Variants in PCDHGB4 observed in about 807,000 individuals in gnomAD.
The protein encoded by PCDHGB4 is protocadherin gamma subfamily B, 4.
A neutral mutation model predicts 60.5 loss-of-function variants in PCDHGB4; 38 were observed. The observed-to-expected ratio is 0.63, with a 90% CI of 0.48 to 0.82. The LOEUF is 0.82. Ranked by LOEUF, PCDHGB4 falls within the 40% of genes least tolerant of loss-of-function variation. The pLI, the probability that PCDHGB4 is intolerant of heterozygous loss-of-function variation, is 0.00. For missense variants in PCDHGB4, 1,109 were observed against 1,209.6 expected (o/e 0.92, Z 1.23); for synonymous variants, 456 against 509.7 (o/e 0.89, Z 1.42).
At chr5:141,404,102 T>C (rs1288980459) in intron 1 of PCDHGB4, 16 of 1,613,462 alleles carry the variant, frequency 9.9e-6, no homozygotes, top group Non-Finnish European at 8.5e-7. Context: ...TCAAGTTGTC[T>C]GTTCTATCCA....
chr5:141,453,067 C>A (rs1227122711), intron 1 of PCDHGB4, among the ~76,000 whole-genome samples: 1 of 152,024 alleles, frequency 6.6e-6, no homozygotes, highest in African/African-American at 2.4e-5. Context: ...AGAGTTTTGC[C>A]ACACTCTGGT....
chr5:141,419,993 G>T (rs754254084), intron 1 of PCDHGB4: 5 of 1,614,056 alleles, frequency 3.1e-6, no homozygotes, highest in Middle Eastern at 1.6e-4. Context: ...TCTAGCTATT[G>T]CTCTACGCCT....
intron 1 of PCDHGB4, among the ~76,000 whole-genome samples, chr5:141,433,397 A>ATCTC (rs1179042498): frequency 6.6e-6 from 1 of 150,410 alleles, no homozygotes; most frequent in African/African-American, 2.5e-5. Flanking sequence ...CTATCTATCT[A>ATCTC]TCTATCTATT....
chr5:141,453,524 C>T (rs1351750021), intron 1 of PCDHGB4, among the ~76,000 whole-genome samples: 1 of 152,060 alleles, frequency 6.6e-6, no homozygotes, highest in Non-Finnish European at 1.5e-5. Flanking sequence ...TCCCCTATAC[C>T]TTCTGCCTCA....
At chr5:141,468,668 C>T (rs993230755) in intron 1 of PCDHGB4, 1 of 149,910 alleles carries the variant, frequency 6.7e-6, no homozygotes, top group Admixed American at 6.7e-5. Context: ...AGATCAAGAC[C>T]ATCCTGGCTA....
intron 1 of PCDHGB4, chr5:141,409,250 A>G: frequency 6.2e-7 from 1 of 1,614,024 alleles, no homozygotes; most frequent in Non-Finnish European, 8.5e-7. Flanking sequence ...AATAATCATC[A>G]CTTCTCTCTC....
chr5:141,413,150 T>C, intron 1 of PCDHGB4: 1 of 1,573,292 alleles, frequency 6.4e-7, no homozygotes. Context: ...AGTGAGGACT[T>C]TGCAGAATTC....
At chr5:141,417,994 G>T (rs369226139) in intron 1 of PCDHGB4, 231 of 1,613,766 alleles carry the variant, frequency 1.4e-4, no homozygotes, top group Non-Finnish European at 1.8e-4. Flanking sequence ...CCAAGGGCTC[G>T]GTGGTGGGGA....
intron 3 of PCDHGB4, among the ~76,000 whole-genome samples, chr5:141,509,066 C>A (rs1215686419): frequency 6.6e-6 from 1 of 152,172 alleles, no homozygotes; most frequent in Non-Finnish European, 1.5e-5. Context: ...GCTCTCAGCT[C>A]CGGGGATTTG....
chr5:141,464,515 A>C (rs969421973), intron 1 of PCDHGB4, among the ~76,000 whole-genome samples: 4 of 152,028 alleles, frequency 2.6e-5, no homozygotes, highest in Non-Finnish European at 4.4e-5. Flanking sequence ...CATAAGGTAA[A>C]GGCATATGTA....
At chr5:141,405,256 G>GATGTGATGCTCT (rs1316160577) in intron 1 of PCDHGB4, 2 of 1,614,050 alleles carry the variant, frequency 1.2e-6, no homozygotes, top group Non-Finnish European at 1.7e-6. Flanking sequence ...AGAGTCACCT[G>GATGTGATGCTCT]ATCTTCCCCC....
intron 1 of PCDHGB4, chr5:141,441,516 C>T (rs1034274864): frequency 4.0e-5 from 7 of 173,082 alleles, no homozygotes; most frequent in Non-Finnish European, 8.7e-5. Flanking sequence ...ACGTCGTCCA[C>T]GTGGCCAAGA....
intron 1 of PCDHGB4, chr5:141,404,979 G>A (rs771576875): frequency 6.2e-7 from 1 of 1,613,994 alleles, no homozygotes; most frequent in Non-Finnish European, 8.5e-7. Context: ...GCTGACCTGG[G>A]CAGTCTTCAG....
chr5:141,432,686 G>A lies in PCDHGB4; in HGVS notation c.2397+42405G>A. On this transcript the variant is annotated intron_variant, in intron 1 of 3. Transcript: ENST00000519479. The surrounding 1 kb of genome is among the most constrained non-coding windows in gnomAD (Gnocchi z 6.0). The stretch of plus-strand genomic sequence containing the variant: ...CAGAGACGCGCTCAAGCAGAGCCTC[G>A]TAGTGGCCGTCCAGGACCACGGCCA... 2 of 1,613,922 alleles carry A rather than the reference G, an allele frequency of 1.2e-6. No homozygotes were observed. The highest frequency in any genetic ancestry group is 1.7e-5 in the Admixed American group (1 of 60,020).
rs1425295626 is a variant in PCDHGB4 at position 141,477,940 on chromosome 5, C to T, written c.2398-16867C>T. On this transcript the variant is annotated intron_variant, in intron 1 of 3. Coordinates refer to ENST00000519479, the MANE Select transcript of PCDHGB4 (RefSeq NM_003736.4). This position sits in a 1 kb window ranked among gnomAD's most constrained non-coding sequence, Gnocchi z 4.9. ...CAGGGCACAATGCCTGGCTCTCCTA[C>T]AGTCTCTTGGGATCCCCTAACCAGA... The T allele has an allele frequency of 6.2e-7, 1 of 1,614,178 alleles. No homozygotes were observed. Among genetic ancestry groups the T allele is most frequent in the South Asian group, 1.1e-5 (1 of 91,084 alleles).
Position 141,476,889 on chromosome 5 carries a change from C to T in PCDHGB4, c.2398-17918C>T. ...CGGGCGCGCGTCCTGGAGGATGCAC[C>T]CTCCGGCACGCGCGTGGTACAAGTC... is the stretch of plus-strand genomic sequence containing the variant. On this transcript the variant is annotated intron_variant, in intron 1 of 3. Transcript: ENST00000519479. This position sits in a 1 kb window ranked among gnomAD's most constrained non-coding sequence, Gnocchi z 7.6. 6.2e-7 allele frequency: 1 copy of T among 1,613,960 alleles called. No individual in the cohort carries two copies. The highest frequency in any genetic ancestry group is 8.5e-7 in the Non-Finnish European group (1 of 1,180,034).
intron 1 of PCDHGB4, chr5:141,422,878 C>T: frequency 6.2e-7 from 1 of 1,614,264 alleles, no homozygotes; most frequent in African/African-American, 1.3e-5. Flanking sequence ...GTCGCTGAGC[C>T]TGTTCGTGCT....
At chr5:141,404,672 G>T in intron 1 of PCDHGB4, 1 of 1,614,156 alleles carries the variant, frequency 6.2e-7, no homozygotes, top group Non-Finnish European at 8.5e-7. Flanking sequence ...TGGTTCTACT[G>T]GTGTGGAGCT....
intron 1 of PCDHGB4, among the ~76,000 whole-genome samples, chr5:141,453,217 G>A (rs770914741): frequency 1.2e-4 from 19 of 152,100 alleles, no homozygotes; most frequent in Admixed American, 1.0e-3. Context: ...GCACTTAAGC[G>A]ATCCTCCCAC....
Sources: gnomAD v4.1 joint callset for allele counts (sites outside exome capture counted in the v4.1 genomes callset) on GRCh38, gnomAD v4.1.1 for gene constraint, Gnocchi (gnomAD v3.1) non-coding constraint, MANE v1.5 for transcripts, NCBI Gene and HGNC (gene_info 2026-07-23, HGNC 2026-07-21) for gene names.